Variants in FRMD5 observed in about 807,000 individuals in gnomAD.
FRMD5 encodes the protein FERM domain containing 5, also known as FERM domain-containing protein 5.
In FRMD5, 20 loss-of-function variants were observed where a neutral mutation model predicts 69.0. The ratio of observed to expected loss-of-function variants is 0.29; its 90% CI spans 0.20 to 0.42. The LOEUF (loss-of-function observed/expected upper bound fraction) is 0.42. FRMD5 is among the 10% of genes least tolerant of loss of function. FRMD5 has a pLI of 1.00. For synonymous variants in FRMD5, 271 were observed against 260.1 expected (o/e 1.04, Z -0.40); for missense variants, 595 against 708.6 (o/e 0.84, Z 1.82).
chr15:43,973,311 C>T (rs112706113), intron 1 of FRMD5, among the ~76,000 whole-genome samples: 6,457 of 150,620 alleles, frequency 0.043, 415 homozygotes, highest in African/African-American at 0.14. Context: ...CGTGAGCCAC[C>T]GCACCTGGCC....
intron 1 of FRMD5, among the ~76,000 whole-genome samples, chr15:44,115,935 T>G (rs904615725): frequency 6.6e-5 from 10 of 152,152 alleles, no homozygotes; most frequent in African/African-American, 2.2e-4. Context: ...GGTCCTTTCT[T>G]TCTCTGGATT....
intron 3 of FRMD5, 113 bp from the exon 4 acceptor site, chr15:43,919,650 A>G: frequency 7.0e-7 from 1 of 1,438,286 alleles, no homozygotes; most frequent in South Asian, 1.2e-5. Flanking sequence ...TTTAGGGCCA[A>G]CTTATACTCA....
At chr15:43,976,899 C>G (rs2090472218) in intron 1 of FRMD5, among the ~76,000 whole-genome samples, 1 of 151,506 alleles carries the variant, frequency 6.6e-6, no homozygotes, top group Non-Finnish European at 1.5e-5. Flanking sequence ...AGCGTGATTT[C>G]AGCTCACTGC....
intron 1 of FRMD5, among the ~76,000 whole-genome samples, chr15:44,056,390 G>C (rs1009324289): frequency 1.3e-5 from 2 of 152,158 alleles, no homozygotes; most frequent in African/African-American, 2.4e-5. Context: ...TCTCAATATA[G>C]GCTAGTCAGT....
chr15:44,111,348 G>A (rs2076792804), intron 1 of FRMD5, among the ~76,000 whole-genome samples: 1 of 152,062 alleles, frequency 6.6e-6, no homozygotes, highest in African/African-American at 2.4e-5. Context: ...GATGGTTTTG[G>A]TAATTAAAAA....
At chr15:44,040,167 T>G (rs1892124335) in intron 1 of FRMD5, among the ~76,000 whole-genome samples, 1 of 152,082 alleles carries the variant, frequency 6.6e-6, no homozygotes, top group East Asian at 1.9e-4. Flanking sequence ...TGGGACTATG[T>G]GAGAAGACCA....
At chr15:44,130,248 T>C (rs536341838) in intron 1 of FRMD5, among the ~76,000 whole-genome samples, 5 of 152,338 alleles carry the variant, frequency 3.3e-5, no homozygotes, top group Non-Finnish European at 4.4e-5. Context: ...CCGCCAATCC[T>C]TGGAGGCAAG....
At chr15:43,954,545 C>T (rs1282075256) in intron 1 of FRMD5, among the ~76,000 whole-genome samples, 1 of 152,200 alleles carries the variant, frequency 6.6e-6, no homozygotes, top group African/African-American at 2.4e-5. Context: ...CCAACACCAT[C>T]CCAAAATGTG....
intron 5 of FRMD5, among the ~76,000 whole-genome samples, 172 bp from the exon 6 acceptor site, chr15:43,906,123 A>G (rs1434159585): frequency 6.6e-6 from 1 of 152,260 alleles, no homozygotes; most frequent in Non-Finnish European, 1.5e-5. Context: ...CTTCAGGAGC[A>G]TGTCCACCTT....
intron 1 of FRMD5, among the ~76,000 whole-genome samples, chr15:44,039,202 C>A (rs973941209): frequency 1.3e-5 from 2 of 152,224 alleles, no homozygotes; most frequent in African/African-American, 4.8e-5. Context: ...CCCCCATCTC[C>A]CTGGGACAGA....
chr15:43,887,613 C>A (rs2088694566), intron 10 of FRMD5, among the ~76,000 whole-genome samples: 1 of 152,200 alleles, frequency 6.6e-6, no homozygotes, highest in Admixed American at 6.5e-5. Flanking sequence ...CCAGTTCTGC[C>A]AGCCAGCATC....
In FRMD5 at chr15:43,994,189, T is replaced by G. The variant is rs985064457; in HGVS notation, c.103-69880A>C. Among the ~76,000 whole-genome samples, 3 of 152,326 alleles carry G rather than the reference T, an allele frequency of 2.0e-5. No individual in the cohort carries two copies. The East Asian group carries it at 5.8e-4, about 29-fold the overall frequency. ...TCTTGCTATCTTCCTTTGTGATTTA[T>G]TTTCTCTAGTGTTAGGCTTTGATTC... On this transcript the variant is annotated intron_variant, in intron 1 of 13. Coordinates refer to ENST00000417257, the MANE Select transcript of FRMD5 (RefSeq NM_032892.5).
chr15:44,003,910 C>T (rs1191190049), intron 1 of FRMD5, among the ~76,000 whole-genome samples: 1 of 152,116 alleles, frequency 6.6e-6, no homozygotes, highest in South Asian at 2.1e-4. Context: ...ATTTTTGTCT[C>T]TTTTGTTCAC....
rs1351254799 is a variant in FRMD5 at position 43,984,870 on chromosome 15, G to A, written c.103-60561C>T. On this transcript the variant is annotated intron_variant, in intron 1 of 13. Coordinates refer to ENST00000417257, the MANE Select transcript of FRMD5 (RefSeq NM_032892.5). Reference sequence around the variant, plus strand: ...ATGGTGGCATACACCTGTAATCCCAGCTACTCGGGAGGCTGAGGTGGGAGA... The same window carrying A: ...ATGGTGGCATACACCTGTAATCCCAACTACTCGGGAGGCTGAGGTGGGAGA... Among the ~76,000 whole-genome samples, 4 of 152,142 alleles carry A rather than the reference G, an allele frequency of 2.6e-5. No homozygotes were observed. In the East Asian group the frequency reaches 7.7e-4, roughly 29 times the overall value.
At chr15:44,011,321 G>A (rs1890711108) in intron 1 of FRMD5, among the ~76,000 whole-genome samples, 1 of 150,908 alleles carries the variant, frequency 6.6e-6, no homozygotes, top group East Asian at 1.9e-4. Context: ...TGTAGCAATG[G>A]GAATTGAGAG....
chr15:44,048,144 G>A (rs1892509398), intron 1 of FRMD5, among the ~76,000 whole-genome samples: 1 of 152,098 alleles, frequency 6.6e-6, no homozygotes, highest in Non-Finnish European at 1.5e-5. Context: ...CTGCCAAACT[G>A]TTTTCCAAAG....
Position 44,065,950 on chromosome 15 carries a change from C to CT in FRMD5, c.102+129002dup, listed in dbSNP as rs200238846. Among the ~76,000 whole-genome samples the CT allele has an allele frequency of 1.9e-4, 28 of 151,300 alleles. 1 individual carries two copies. Among genetic ancestry groups the CT allele is most frequent in the South Asian group, 4.2e-4 (2 of 4,770 alleles). ...ATATCATTTTACTCAACCAGTTCCA[C>CT]TTTTTTTTTACTCTTAATGTTTTGA... On this transcript the variant is annotated intron_variant, in intron 1 of 13. Transcript: ENST00000417257.
intron 1 of FRMD5, chr15:44,194,656 CG>C (rs1413641726): frequency 2.2e-6 from 1 of 449,016 alleles, no homozygotes; most frequent in Admixed American, 4.1e-5. Flanking sequence ...GCACCTTACT[CG>C]GGCGGGCTCG....
At chr15:43,920,896 T>C (rs1402277198) in intron 2 of FRMD5, among the ~76,000 whole-genome samples, 2 of 152,236 alleles carry the variant, frequency 1.3e-5, no homozygotes, top group Non-Finnish European at 2.9e-5. Context: ...GCAGTCAGCA[T>C]CCTGGCCTCC....
Sources: gnomAD v4.1 joint callset for allele counts (sites outside exome capture counted in the v4.1 genomes callset) on GRCh38, gnomAD v4.1.1 for gene constraint, MANE v1.5 for transcripts, NCBI Gene and HGNC (gene_info 2026-07-23, HGNC 2026-07-21) for gene names.